The following MYH16 variants were observed in gnomAD, a reference collection of about 807,000 sequenced individuals.
The protein encoded by MYH16 is putative uncharacterized protein MYH16.
intron 13 of MYH16, among the ~76,000 whole-genome samples, chr7:99,262,081 C>T (rs1339514547): frequency 6.6e-6 from 1 of 152,238 alleles, no homozygotes; most frequent in African/African-American, 2.4e-5. Flanking sequence ...GGCTTTTTCA[C>T]TCATGACAAA....
chr7:99,292,926 C>G (rs1210762728), intron 32 of MYH16, among the ~76,000 whole-genome samples: 1 of 151,004 alleles, frequency 6.6e-6, no homozygotes, highest in Non-Finnish European at 1.5e-5. Flanking sequence ...AGCCACTGCA[C>G]TCCAGCCTGG....
intron 20 of MYH16, among the ~76,000 whole-genome samples, chr7:99,275,197 T>C (rs1792095834): frequency 1.3e-5 from 2 of 149,912 alleles, no homozygotes; most frequent in South Asian, 4.3e-4. Flanking sequence ...AGGGTCTTGC[T>C]ATGTTGCCCA....
chr7:99,269,790 C>A (rs1792025761), intron 18 of MYH16, among the ~76,000 whole-genome samples: 1 of 151,840 alleles, frequency 6.6e-6, no homozygotes, highest in African/African-American at 2.4e-5. Flanking sequence ...AACATCCTTG[C>A]TCATGGTCCT....
rs568607201 is a variant in MYH16 at position 99,279,260 on chromosome 7, G to A, written n.2660-250G>A. 3.3e-5 allele frequency among the ~76,000 whole-genome samples: 5 copies of A among 150,364 alleles called. No homozygotes were observed. In the East Asian group the frequency reaches 9.9e-4, roughly 30 times the overall value. ...TGTAGCCTCAGCTACTTGGGAGGAT[G>A]AGGTGGGAGGACTTCTTGAGCCCAG... On this transcript the variant is annotated intron_variant and non_coding_transcript_variant, in intron 21 of 41. Transcript: ENST00000439784.
At position 99,285,362 on chromosome 7, in the gene MYH16, C is replaced by G. The variant is rs763129769; in HGVS notation, n.3317-20C>G. Reference sequence around the variant, plus strand: ...ACTTTGCCTGGCAGAGATGAATCCCCTCCCTCCTCTGTCTGCTAGGACCGA... The same window carrying G: ...ACTTTGCCTGGCAGAGATGAATCCCGTCCCTCCTCTGTCTGCTAGGACCGA... On this transcript the variant is annotated intron_variant and non_coding_transcript_variant, in intron 26 of 41. Coordinates refer to ENST00000439784, the Ensembl canonical transcript of MYH16. 2.2e-6 allele frequency: 1 copy of G among 456,604 alleles called. No homozygotes were observed. Among genetic ancestry groups the G allele is most frequent in the East Asian group, 6.9e-5 (1 of 14,414 alleles). 28.3% of individuals were successfully genotyped at this position (456,604 alleles called of 1,614,324 possible).
chr7:99,268,973 G>C (rs1191169279), intron 18 of MYH16, among the ~76,000 whole-genome samples: 1 of 152,136 alleles, frequency 6.6e-6, no homozygotes, highest in Non-Finnish European at 1.5e-5. Context: ...GTCCGGACAG[G>C]AGGGGAAGCC....
At chr7:99,262,490 C>T (rs545077127) in intron 13 of MYH16, among the ~76,000 whole-genome samples, 7 of 152,188 alleles carry the variant, frequency 4.6e-5, no homozygotes, top group Non-Finnish European at 7.3e-5. Context: ...GAGAAGAGTT[C>T]CTTATTTATA....
At position 99,304,925 on chromosome 7, in the gene MYH16, C is replaced by A. The variant is rs2150839530; in HGVS notation, n.5434+169C>A. Among the ~76,000 whole-genome samples the A allele has an allele frequency of 1.3e-5, 2 of 152,248 alleles. 1 individual carries two copies. Among genetic ancestry groups the A allele is most frequent in the Middle Eastern group, 6.8e-3 (2 of 294 alleles). ...AAAGGACCAGGTGCAGTGGCTCACG[C>A]CCGTAATCCTAATACTTTAGGAGGC... On this transcript the variant is annotated intron_variant and non_coding_transcript_variant, in intron 40 of 41. Transcript: ENST00000439784.
chr7:99,294,278 G>T, intron 33 of MYH16, 128 bp downstream of exon 14: 1 of 336,874 alleles, frequency 3.0e-6, no homozygotes, highest in East Asian at 8.8e-5. Flanking sequence ...GTGCAATGCA[G>T]GGGTGCCTTC....
chr7:99,242,480 A>T (rs1023148046), intron 1 of MYH16, among the ~76,000 whole-genome samples: 4 of 151,972 alleles, frequency 2.6e-5, no homozygotes, highest in African/African-American at 7.3e-5. Context: ...TAGAAAAAAA[A>T]ATTAAAAATT....
chr7:99,287,134 G>A (rs1792290724), intron 28 of MYH16, among the ~76,000 whole-genome samples: 1 of 152,206 alleles, frequency 6.6e-6, no homozygotes, highest in Non-Finnish European at 1.5e-5. Context: ...AGGGTGAACA[G>A]GCTCCTGAAT....
intron 13 of MYH16, among the ~76,000 whole-genome samples, chr7:99,263,055 G>C (rs770949466): frequency 2.6e-5 from 4 of 152,152 alleles, no homozygotes; most frequent in Admixed American, 2.0e-4. Context: ...AGGGGAGTCT[G>C]GGTTTATGTG....
At chr7:99,267,242 G>A (rs954855989) in intron 18 of MYH16, among the ~76,000 whole-genome samples, 13 of 151,940 alleles carry the variant, frequency 8.6e-5, no homozygotes, top group Non-Finnish European at 1.3e-4. Context: ...AGAACCCTAC[G>A]TTTTGTTTTG....
intron 2 of MYH16, among the ~76,000 whole-genome samples, chr7:99,245,084 C>T (rs1791712616): frequency 6.6e-6 from 1 of 152,294 alleles, no homozygotes; most frequent in South Asian, 2.1e-4. Flanking sequence ...TAACTGGCTT[C>T]CAGGATGCTG....
chr7:99,242,627 G>A (rs1158147512), intron 1 of MYH16, among the ~76,000 whole-genome samples: 1 of 152,148 alleles, frequency 6.6e-6, no homozygotes, highest in Non-Finnish European at 1.5e-5. Flanking sequence ...AACAGAGCAA[G>A]ATTATGTCTC....
intron 9 of MYH16, among the ~76,000 whole-genome samples, chr7:99,256,649 C>A (rs1474717225): frequency 6.6e-6 from 1 of 152,154 alleles, no homozygotes; most frequent in Non-Finnish European, 1.5e-5. Context: ...GTGGCGCATG[C>A]CTGTAATCTC....
intron 32 of MYH16, 62 bp from the exon 14 acceptor site, chr7:99,293,956 G>A (rs1003009198): frequency 5.0e-6 from 2 of 398,408 alleles, no homozygotes; most frequent in African/African-American, 4.2e-5. Flanking sequence ...CCCTGGCAGT[G>A]TGGAGATGGT....
intron 8 of MYH16, among the ~76,000 whole-genome samples, chr7:99,254,735 A>G (rs1791852262): frequency 1.3e-5 from 2 of 152,228 alleles, no homozygotes; most frequent in South Asian, 4.1e-4. Flanking sequence ...CCAGCCAGAA[A>G]TAAGGGCATT....
chr7:99,285,501 A>G (rs553478375), intron 27 of MYH16, 63 bp downstream of exon 9: 1 of 454,344 alleles, frequency 2.2e-6, no homozygotes, highest in Admixed American at 2.4e-5. Context: ...ACATCCAACC[A>G]TGAATAGAAA....
Sources: gnomAD v4.1 joint callset for allele counts (sites outside exome capture counted in the v4.1 genomes callset) on GRCh38, gnomAD v4.1.1 for gene constraint, MANE v1.5 for transcripts, NCBI Gene and HGNC (gene_info 2026-07-23, HGNC 2026-07-21) for gene names.